The following CCL3L3 variants were observed in gnomAD, a reference collection of about 807,000 sequenced individuals.
CCL3L3 encodes C-C motif chemokine 3-like 1.
Under a neutral mutation model 9.0 loss-of-function variants are expected in CCL3L3, and 6 were observed. The ratio of observed to expected loss-of-function variants is 0.67; its 90% CI spans 0.37 to 1.32. The LOEUF (loss-of-function observed/expected upper bound fraction) is 1.32, where lower values mean the gene tolerates loss of function less well. Among genes scored for constraint, CCL3L3 ranks in the 40% most tolerant of loss-of-function variants. The pLI, the probability that CCL3L3 is intolerant of heterozygous loss-of-function variation, is 0.02. For missense variants in CCL3L3, 93 were observed against 117.0 expected (o/e 0.79, Z 0.95); for synonymous variants, 38 against 45.7 (o/e 0.83, Z 0.68).
At position 36,195,052 on chromosome 17, in the gene CCL3L3, C is replaced by T. The variant is rs1404085136; in HGVS notation, c.*234G>A. On this transcript the variant is annotated 3_prime_UTR_variant, in exon 3 of 3. Transcript: ENST00000619989. ...GAAGGTGGAGGGGACAGGGGGAACT[C>T]TCAGAGCAAACAATCACAAACACAC... 2.0e-6 allele frequency: 1 copy of T among 506,938 alleles called. No individual in the cohort carries two copies. Among genetic ancestry groups the T allele is most frequent in the Non-Finnish European group, 3.6e-6 (1 of 281,090 alleles). The allele number at this position is 506,938 out of a possible 1,614,324, so 31.4% of individuals were successfully genotyped here.
rs1598984393 is a variant in CCL3L3 at position 36,195,946 on chromosome 17, A to G, written c.77-34T>C. On this transcript the variant is annotated intron_variant, in intron 1 of 2. Transcript: ENST00000619989. Reference sequence around the variant, plus strand: ...AAAGGAGAGAATAAGCCCGAGTCACAGCTCAGAAGAAAAGGCCAGGCAGCT... The same window carrying G: ...AAAGGAGAGAATAAGCCCGAGTCACGGCTCAGAAGAAAAGGCCAGGCAGCT... 14 of 1,204,634 alleles carry G rather than the reference A, an allele frequency of 1.2e-5. 2 individuals carry two copies. Among genetic ancestry groups the G allele is most frequent in the Non-Finnish European group, 1.5e-5 (13 of 890,696 alleles). The allele number at this position is 1,204,634 out of a possible 1,614,324, so 74.6% of individuals were successfully genotyped here.
chr17:36,195,144 G>T lies in CCL3L3; in HGVS notation c.*142C>A. Reference sequence around the variant, plus strand: ...TAAATTAAAATTTAAGTTAAGAAGAGTCCCACAGTGTGGCTGTTTGGCAAT... The same window carrying T: ...TAAATTAAAATTTAAGTTAAGAAGATTCCCACAGTGTGGCTGTTTGGCAAT... On this transcript the variant is annotated 3_prime_UTR_variant, in exon 3 of 3. Coordinates refer to ENST00000619989, the MANE Select transcript of CCL3L3 (RefSeq NM_001001437.4). The T allele has an allele frequency of 1.1e-6, 1 of 939,672 alleles. No individual in the cohort carries two copies. Among genetic ancestry groups the T allele is most frequent in the East Asian group, 2.3e-5 (1 of 42,742 alleles). The allele number at this position is 939,672 out of a possible 1,614,324, so 58.2% of individuals were successfully genotyped here.
Position 36,195,049 on chromosome 17 carries a change from A to T in CCL3L3, c.*237T>A, listed in dbSNP as rs1364335664. 2 of 491,416 alleles carry T rather than the reference A, an allele frequency of 4.1e-6. No individual in the cohort carries two copies. Among genetic ancestry groups the T allele is most frequent in the Non-Finnish European group, 3.7e-6 (1 of 269,598 alleles). 30.4% of individuals were successfully genotyped at this position (491,416 alleles called of 1,614,324 possible). A position where few individuals can be genotyped will look rare whatever the true frequency, so the allele number is the denominator to read the frequency against. Reference sequence around the variant, plus strand: ...AGGGAAGGTGGAGGGGACAGGGGGAACTCTCAGAGCAAACAATCACAAACA... The same window carrying T: ...AGGGAAGGTGGAGGGGACAGGGGGATCTCTCAGAGCAAACAATCACAAACA... On this transcript the variant is annotated 3_prime_UTR_variant, in exon 3 of 3. Transcript: ENST00000619989.
Position 36,195,995 on chromosome 17 carries a change from G to A in CCL3L3, c.77-83C>T, listed in dbSNP as rs1202450561. ...CTTCTGATCCCTGAGTGGTTGAGGA[G>A]GGCAGGCTTGCTCAGACCAAGTGAC... is the stretch of plus-strand genomic sequence containing the variant. On this transcript the variant is annotated intron_variant, in intron 1 of 2. Coordinates refer to ENST00000619989, the MANE Select transcript of CCL3L3 (RefSeq NM_001001437.4). The A allele has an allele frequency of 4.4e-4, 649 of 1,482,764 alleles. 35 individuals carry two copies. The highest frequency in any genetic ancestry group is 2.5e-3 in the African/African-American group (187 of 74,566). The allele number at this position is 1,482,764 out of a possible 1,614,324, so 91.9% of individuals were successfully genotyped here.
intron 1 of CCL3L3, chr17:36,196,229 A>G (rs2068619817): frequency 3.1e-6 from 2 of 639,812 alleles, no homozygotes; most frequent in Non-Finnish European, 5.8e-6. Flanking sequence ...CTCTCATAAG[A>G]CATCCAAGGG....
At chr17:36,195,558 A>C (rs1167153822) in intron 2 of CCL3L3, 182 bp from the exon 3 acceptor site, 6 of 1,066,084 alleles carry the variant, frequency 5.6e-6, no homozygotes, top group Non-Finnish European at 8.7e-6. Context: ...GGGGGCCCTC[A>C]GAGTGTCCTG....
intron 2 of CCL3L3, 84 bp from the exon 3 acceptor site, chr17:36,195,460 C>T (rs2068610516): frequency 2.0e-6 from 3 of 1,505,498 alleles, no homozygotes; most frequent in South Asian, 1.1e-5. Flanking sequence ...ATCCTGCTCT[C>T]TGTCCTGGGC....
chr17:36,196,730 T>C lies in CCL3L3; in HGVS notation c.-57A>G. ...AGTGTCAGCAGAGCCAAGAAGGGAC[T>C]GACTACTCTTTGCTGCCTGCGTCCT... On this transcript the variant is annotated 5_prime_UTR_variant, in exon 1 of 3. Coordinates refer to ENST00000619989, the MANE Select transcript of CCL3L3 (RefSeq NM_001001437.4). 2 of 1,532,628 alleles carry C rather than the reference T, an allele frequency of 1.3e-6. No individual in the cohort carries two copies. The highest frequency in any genetic ancestry group is 1.1e-5 in the South Asian group (1 of 87,252). The allele number at this position is 1,532,628 out of a possible 1,614,324, so 94.9% of individuals were successfully genotyped here. A position where few individuals can be genotyped will look rare whatever the true frequency, so the allele number is the denominator to read the frequency against.
rs1194323741 is a variant in CCL3L3 at position 36,196,703 on chromosome 17, C to T, written c.-30G>A. 13 of 1,574,714 alleles carry T rather than the reference C, an allele frequency of 8.3e-6. 1 individual carries two copies. In the East Asian group the frequency reaches 1.8e-4, roughly 22 times the overall value. On this transcript the variant is annotated 5_prime_UTR_variant, in exon 1 of 3. Transcript: ENST00000619989. Reference sequence around the variant, plus strand: ...GGGAGCAGGTGATGGAATGTGGGCTCGAGTGTCAGCAGAGCCAAGAAGGGA... The same window carrying T: ...GGGAGCAGGTGATGGAATGTGGGCTTGAGTGTCAGCAGAGCCAAGAAGGGA...
At chr17:36,196,092 T>C (rs1475023241) in intron 1 of CCL3L3, 180 bp from the exon 2 acceptor site, 1 of 732,464 alleles carries the variant, frequency 1.4e-6, no homozygotes, top group Non-Finnish European at 2.4e-6. Flanking sequence ...TCCCCTTGAC[T>C]CTTCATAGTG....
Position 36,195,878 on chromosome 17 carries a change from G to A in CCL3L3, c.111C>T (p.Ser37=). 1 of 1,583,142 alleles carries A rather than the reference G, an allele frequency of 6.3e-7. No individual in the cohort carries two copies. Among genetic ancestry groups the A allele is most frequent in the East Asian group, 2.2e-5 (1 of 44,608 alleles). The change falls in exon 2 of 3, where the codon AGC becomes AGT. Residue 37 remains serine, a synonymous_variant. Transcript: ENST00000619989. ...AADTPTACCF[S]YTSRQIPQNF... is the part of the protein sequence containing the mutation. Reference sequence around the variant, plus strand: ...TCTGTGGAATCTGTCGGGAGGTGTAGCTGAAGCAGCAGGCGGTCGGCGTGT... The same window carrying A: ...TCTGTGGAATCTGTCGGGAGGTGTAACTGAAGCAGCAGGCGGTCGGCGTGT...
intron 2 of CCL3L3, 179 bp downstream of exon 2, chr17:36,195,619 A>T: frequency 9.4e-7 from 1 of 1,060,918 alleles, no homozygotes; most frequent in Non-Finnish European, 1.5e-6. Context: ...GCCCTTCCTG[A>T]CTCTGTAACA....
In CCL3L3 at chr17:36,195,990, G is replaced by A. The variant is rs1220654452; in HGVS notation, c.77-78C>T. The A allele has an allele frequency of 2.5e-5, 38 of 1,500,550 alleles. 1 individual carries two copies. In the African/African-American group the frequency reaches 4.4e-4, roughly 17 times the overall value. 93.0% of individuals were successfully genotyped at this position (1,500,550 alleles called of 1,614,324 possible). A position where few individuals can be genotyped will look rare whatever the true frequency, so the allele number is the denominator to read the frequency against. ...GGCAGCTTCTGATCCCTGAGTGGTT[G>A]AGGAGGGCAGGCTTGCTCAGACCAA... On this transcript the variant is annotated intron_variant, in intron 1 of 2. Coordinates refer to ENST00000619989, the MANE Select transcript of CCL3L3 (RefSeq NM_001001437.4).
Position 36,195,921 on chromosome 17 carries a change from A to G in CCL3L3, c.77-9T>C. 2 of 1,582,702 alleles carry G rather than the reference A, an allele frequency of 1.3e-6. No individual in the cohort carries two copies. Among genetic ancestry groups the G allele is most frequent in the East Asian group, 2.2e-5 (1 of 44,602 alleles). ...CGGCGTGTCAGCAGCAACTGCGGAG[A>G]AAGGAGAGAATAAGCCCGAGTCACA... On this transcript the variant is annotated splice_polypyrimidine_tract_variant and intron_variant, in intron 1 of 2. Coordinates refer to ENST00000619989, the MANE Select transcript of CCL3L3 (RefSeq NM_001001437.4).
chr17:36,196,196 A>C (rs1326759066), intron 1 of CCL3L3: 2 of 631,294 alleles, frequency 3.2e-6, no homozygotes, highest in African/African-American at 3.5e-5. Context: ...GTCATACCCC[A>C]GCCCAAGAGA....
chr17:36,195,422 G>A, intron 2 of CCL3L3, 46 bp from the exon 3 acceptor site: 4 of 1,551,964 alleles, frequency 2.6e-6, no homozygotes, highest in South Asian at 1.2e-5. Flanking sequence ...ATCCAGCCGG[G>A]GAATCCTGGG....
chr17:36,196,574 C>T lies in CCL3L3; in HGVS notation c.76+24G>A. On this transcript the variant is annotated intron_variant, in intron 1 of 2. Transcript: ENST00000619989. The stretch of plus-strand genomic sequence containing the variant: ...TAACCATGGCCAGAGAGTGGTGATA[C>T]CCACAACAACAACATGGACTCACGT... 6 of 1,578,250 alleles carry T rather than the reference C, an allele frequency of 3.8e-6. 1 individual carries two copies. The highest frequency in any genetic ancestry group is 5.2e-6 in the Non-Finnish European group (6 of 1,153,754).
rs2068624241 is a variant in CCL3L3, at chr17:36,196,637, AGAG to A, written c.34_36del (p.Leu12del). The A allele has an allele frequency of 1.3e-6, 2 of 1,581,070 alleles. 1 individual carries two copies. The highest frequency in any genetic ancestry group is 1.7e-6 in the Non-Finnish European group (2 of 1,156,444). On this transcript the variant is annotated inframe_deletion, in exon 1 of 3. Coordinates refer to ENST00000619989, the MANE Select transcript of CCL3L3 (RefSeq NM_001001437.4). Reference sequence around the variant, plus strand: ...ACCTGGTTGCAGAGAGCCATGGTGCAGAGGAGGACGGCAAGGGCAGCAGTGGAG... The same window carrying A: ...ACCTGGTTGCAGAGAGCCATGGTGCAGAGGACGGCAAGGGCAGCAGTGGAG...
At position 36,196,225 on chromosome 17, in the gene CCL3L3, T is replaced by C. The variant is rs2068619760; in HGVS notation, c.77-313A>G. On this transcript the variant is annotated intron_variant, in intron 1 of 2. Transcript: ENST00000619989. ...CAAGAGAAGCCCTGGACATCTCTCATAAGACATCCAAGGGACAGGGCTCCT... is the reference window on the plus strand; with the variant it reads ...CAAGAGAAGCCCTGGACATCTCTCACAAGACATCCAAGGGACAGGGCTCCT... The C allele has an allele frequency of 5.9e-5, 38 of 639,522 alleles. 4 individuals are homozygous for C. Among genetic ancestry groups the C allele is most frequent in the South Asian group, 5.3e-4 (34 of 63,790 alleles). 39.6% of individuals were successfully genotyped at this position (639,522 alleles called of 1,614,324 possible).
Sources: allele counts gnomAD v4.1 joint callset, GRCh38; gene constraint gnomAD v4.1.1; transcripts MANE v1.5; gene names NCBI Gene and HGNC (gene_info 2026-07-23, HGNC 2026-07-21).